The following KAZN variants were observed in gnomAD, a reference collection of about 807,000 sequenced individuals.
The protein encoded by KAZN is kazrin, periplakin interacting protein.
A neutral mutation model predicts 87.4 loss-of-function variants in KAZN; 40 were observed. That is an observed-to-expected ratio of 0.46 (90% confidence interval 0.36 to 0.60). KAZN has a LOEUF of 0.60. Among genes scored for constraint, KAZN ranks in the 20% least tolerant of loss-of-function variants. The probability of loss-of-function intolerance (pLI) is 0.00; values close to 1 mark genes in which losing one functional copy is unlikely to be tolerated. For synonymous variants in KAZN, 466 were observed against 458.3 expected, an observed-to-expected ratio of 1.02 and a Z score of -0.22; for missense variants, 898 against 1,073.9, an observed-to-expected ratio of 0.84 and a Z score of 2.29.
chr1:14,636,798 T>G (rs1369459147), intron 1 of KAZN, among the ~76,000 whole-genome samples: 1 of 152,196 alleles, frequency 6.6e-6, no homozygotes, highest in East Asian at 1.9e-4. Flanking sequence ...ATTTGATTTT[T>G]GAATGAAGCT....
chr1:13,945,771 TA>T (rs1641128252), intron 1 of KAZN, among the ~76,000 whole-genome samples: 2 of 151,934 alleles, frequency 1.3e-5, no homozygotes, highest in South Asian at 4.2e-4. Context: ...TACATTTTTT[TA>T]TGAAGCCGGT....
chr1:15,030,200 C>CG (rs1345110550), intron 2 of KAZN, among the ~76,000 whole-genome samples: 7 of 152,190 alleles, frequency 4.6e-5, no homozygotes, highest in African/African-American at 1.7e-4. Flanking sequence ...TCAGCGACAG[C>CG]GGGGCCCCGG....
At position 14,094,450 on chromosome 1, in the gene KAZN, C is replaced by T. The variant is rs1485070750; in HGVS notation, c.92-85985C>T. Among the ~76,000 whole-genome samples, 9 of 151,948 alleles carry T rather than the reference C, an allele frequency of 5.9e-5. 1 individual carries two copies. Among genetic ancestry groups the T allele is most frequent in the Non-Finnish European group, 1.0e-4 (7 of 68,000 alleles). On this transcript the variant is annotated intron_variant, in intron 1 of 16. Coordinates refer to the KAZN transcript ENST00000636203. ...TGTTATTATTTGTGATTACAAAAGC[C>T]TAGGGAAAAATGCCTAATTATTGAT...
intron 2 of KAZN, among the ~76,000 whole-genome samples, chr1:14,272,583 G>A (rs1373537636): frequency 6.6e-6 from 1 of 152,176 alleles, no homozygotes; most frequent in Non-Finnish European, 1.5e-5. Flanking sequence ...TCTTGGCTGG[G>A]CACAGTGGCT....
chr1:14,643,044 C>T (rs898790220), intron 1 of KAZN, among the ~76,000 whole-genome samples: 2 of 152,186 alleles, frequency 1.3e-5, no homozygotes, highest in Admixed American at 6.5e-5. Flanking sequence ...CACACAACAA[C>T]CTGTATGTTG....
intron 4 of KAZN, among the ~76,000 whole-genome samples, chr1:15,050,782 G>C (rs917530782): frequency 6.6e-6 from 1 of 151,450 alleles, no homozygotes; most frequent in African/African-American, 2.4e-5. Context: ...CCTGAGCCAC[G>C]CCTGTCGTTG....
intron 2 of KAZN, among the ~76,000 whole-genome samples, chr1:14,382,915 AC>A (rs1278629067): frequency 1.3e-5 from 2 of 151,936 alleles, no homozygotes; most frequent in East Asian, 3.9e-4. Flanking sequence ...CAATGGTTGA[AC>A]TAGTTTACAG....
chr1:14,709,149 C>T (rs184135013), intron 1 of KAZN, among the ~76,000 whole-genome samples: 8 of 152,298 alleles, frequency 5.3e-5, no homozygotes, highest in African/African-American at 1.7e-4. Context: ...ACAGATGAAT[C>T]GGAGGCACGA....
At chr1:14,801,596 G>A (rs1192946854) in intron 1 of KAZN, among the ~76,000 whole-genome samples, 1 of 152,176 alleles carries the variant, frequency 6.6e-6, no homozygotes, top group Non-Finnish European at 1.5e-5. Flanking sequence ...GGAGGGCTAT[G>A]ACGGCCTGGC....
intron 1 of KAZN, among the ~76,000 whole-genome samples, chr1:14,170,726 T>C (rs866954134): frequency 8.9e-5 from 8 of 89,558 alleles, no homozygotes; most frequent in African/African-American, 5.2e-4. Flanking sequence ...TATTCTGTAA[T>C]TATTTTTTTT....
intron 1 of KAZN, among the ~76,000 whole-genome samples, chr1:14,941,341 G>A (rs12741828): frequency 0.11 from 17,494 of 152,138 alleles, 1,104 homozygotes; most frequent in Middle Eastern, 0.15. Context: ...TGGCGTCCAA[G>A]GCCAAATAAA....
chr1:14,993,783 C>G (rs928880991), intron 2 of KAZN, among the ~76,000 whole-genome samples: 1 of 152,136 alleles, frequency 6.6e-6, no homozygotes, highest in African/African-American at 2.4e-5. Context: ...GGGTCACAAG[C>G]CCACACGTAA....
chr1:14,365,280 C>T (rs1218456424), intron 2 of KAZN, among the ~76,000 whole-genome samples: 1 of 151,868 alleles, frequency 6.6e-6, no homozygotes, highest in Non-Finnish European at 1.5e-5. Context: ...ATCTCCTGAC[C>T]TCATGATCCG....
At chr1:14,112,619 G>C (rs147589946) in intron 1 of KAZN, among the ~76,000 whole-genome samples, 1 of 152,272 alleles carries the variant, frequency 6.6e-6, no homozygotes, top group African/African-American at 2.4e-5. Context: ...CCATGATTAT[G>C]TTCCCTTACA....
chr1:14,793,793 A>G (rs1331705715), intron 1 of KAZN, among the ~76,000 whole-genome samples: 1 of 152,108 alleles, frequency 6.6e-6, no homozygotes, highest in Non-Finnish European at 1.5e-5. Flanking sequence ...ACAGATCAGA[A>G]CAGGGCCTAG....
At chr1:15,072,227 A>G (rs1382859930) in intron 8 of KAZN, among the ~76,000 whole-genome samples, 2 of 152,240 alleles carry the variant, frequency 1.3e-5, no homozygotes, top group Admixed American at 6.5e-5. Flanking sequence ...GGCTGGCCCC[A>G]TGATTACTAT....
chr1:14,965,587 A>G (rs926131323), intron 2 of KAZN, among the ~76,000 whole-genome samples: 1 of 152,250 alleles, frequency 6.6e-6, no homozygotes, highest in African/African-American at 2.4e-5. Flanking sequence ...TTTAATGACT[A>G]CATAATGTTC....
intron 1 of KAZN, among the ~76,000 whole-genome samples, chr1:13,985,129 T>C (rs548914851): frequency 4.1e-4 from 63 of 152,290 alleles, no homozygotes; most frequent in Non-Finnish European, 7.3e-4. Flanking sequence ...TTAATGTCTC[T>C]CTATCAATTT....
chr1:14,682,967 G>C (rs1189916846), intron 1 of KAZN, among the ~76,000 whole-genome samples: 2 of 152,210 alleles, frequency 1.3e-5, no homozygotes, highest in Non-Finnish European at 2.9e-5. Flanking sequence ...AAGAGCTTCA[G>C]TTCCTACCAG....
Sources: allele counts gnomAD v4.1 joint callset (sites outside exome capture counted in the v4.1 genomes callset), GRCh38; gene constraint gnomAD v4.1.1; transcripts MANE v1.5; gene names NCBI Gene and HGNC (gene_info 2026-07-23, HGNC 2026-07-21).